Variants in TANC2 observed in about 807,000 individuals in gnomAD.
TANC2 encodes the protein tetratricopeptide repeat, ankyrin repeat and coiled-coil containing 2.
TANC2 carries 26 observed loss-of-function variants against 210.5 expected under a neutral mutation model. The ratio of observed to expected loss-of-function variants is 0.12; its 90% CI spans 0.09 to 0.17. The LOEUF (loss-of-function observed/expected upper bound fraction) is 0.17, where lower values mean the gene tolerates loss of function less well. TANC2 is among the 10% of genes least tolerant of loss of function. The pLI, the probability that TANC2 is intolerant of heterozygous loss-of-function variation, is 1.00. For synonymous variants in TANC2, 931 were observed against 967.1 expected (o/e 0.96, Z 0.69); for missense variants, 2,129 against 2,608.9 (o/e 0.82, Z 4.01).
At chr17:63,317,903 G>A (rs1456637007) in intron 10 of TANC2, among the ~76,000 whole-genome samples, 1 of 152,226 alleles carries the variant, frequency 6.6e-6, no homozygotes, top group African/African-American at 2.4e-5. Context: ...AAGGGGAATA[G>A]AGTAGGGGAA....
In TANC2 at chr17:63,006,681, G is replaced by T. The variant is rs184116512; in HGVS notation, c.-23-2856G>T. ...TATGGCCTAACATATGGTCCATTTT[G>T]GTATGTGTTTTGTGTTATAGTTTGT... On this transcript the variant is annotated intron_variant, in intron 1 of 27. Coordinates refer to ENST00000689528, the Ensembl canonical transcript of TANC2. Among the ~76,000 whole-genome samples, 616 of 152,068 alleles carry T rather than the reference G, an allele frequency of 4.1e-3. 5 individuals are homozygous for T. The highest frequency in any genetic ancestry group is 0.014 in the African/African-American group (597 of 41,502).
At chr17:63,153,630 C>T (rs537462849) in intron 5 of TANC2, 25 of 152,198 alleles carry the variant, frequency 1.6e-4, no homozygotes, top group Non-Finnish European at 1.6e-4. Flanking sequence ...GCTTTGAGAA[C>T]CAATTGGGTT....
intron 11 of TANC2, among the ~76,000 whole-genome samples, chr17:63,320,686 T>G (rs1201374373): frequency 1.3e-5 from 2 of 152,242 alleles, no homozygotes; most frequent in Non-Finnish European, 2.9e-5. Flanking sequence ...CTGATACTAT[T>G]CTTATTCCTA....
intron 2 of TANC2, among the ~76,000 whole-genome samples, chr17:63,033,366 G>T (rs2034849303): frequency 6.6e-6 from 1 of 152,124 alleles, no homozygotes; most frequent in Non-Finnish European, 1.5e-5. Context: ...CTATTCTGGG[G>T]CTTTCAGCCA....
At chr17:63,050,962 A>T (rs1183437556) in intron 2 of TANC2, among the ~76,000 whole-genome samples, 1 of 152,170 alleles carries the variant, frequency 6.6e-6, no homozygotes, top group Non-Finnish European at 1.5e-5. Flanking sequence ...ATGTTAGTGC[A>T]TTTATTTAGG....
chr17:63,280,845 T>C (rs1255993507), intron 9 of TANC2, among the ~76,000 whole-genome samples: 10 of 152,164 alleles, frequency 6.6e-5, no homozygotes, highest in Admixed American at 6.6e-4. Context: ...CTATACTGGC[T>C]GTACTGTAAG....
Position 63,420,481 on chromosome 17 carries a change from C to G in TANC2, c.4751C>G (p.Pro1584Arg), listed in dbSNP as rs1352706759. The change falls in exon 28 of 28, where the codon CCT becomes CGT. Residue 1584 changes from proline to arginine, a missense_variant. This residue lies in a region of TANC2 where 584 missense variants were observed against 627.3 expected (regional missense o/e 0.93). Coordinates refer to ENST00000689528, the Ensembl canonical transcript of TANC2. The surrounding 1 kb of genome is among the most constrained non-coding windows in gnomAD (Gnocchi z 4.2). ...ACTCATCAGAACTCACATTACAGGC[C>G]TAGCCCACCACACACTTCCCCGGCT... 4 of 1,613,836 alleles carry G rather than the reference C, an allele frequency of 2.5e-6. No individual in the cohort carries two copies. In the Admixed American group the frequency reaches 6.7e-5, roughly 27 times the overall value.
chr17:63,143,624 T>C (rs1288626860), intron 4 of TANC2, among the ~76,000 whole-genome samples: 2 of 152,214 alleles, frequency 1.3e-5, no homozygotes, highest in African/African-American at 4.8e-5. Context: ...TACCTGCAGG[T>C]AAATATGCTA....
chr17:63,406,993 T>TTAG (rs1432796704), intron 21 of TANC2, among the ~76,000 whole-genome samples: 1 of 152,206 alleles, frequency 6.6e-6, no homozygotes, highest in African/African-American at 2.4e-5. Context: ...GCCTCCACTA[T>TTAG]TAGTAAACTG....
chr17:63,360,655 T>A lies in TANC2; in HGVS notation c.2582+5265T>A, dbSNP rs185494774. 2.6e-5 allele frequency among the ~76,000 whole-genome samples: 4 copies of A among 152,336 alleles called. No homozygotes were observed. The East Asian group carries it at 7.7e-4, about 29-fold the overall frequency. On this transcript the variant is annotated intron_variant, in intron 14 of 27. Transcript: ENST00000689528. ...TTCACACAATCCAATTATACTCTTT[T>A]AGTTATTTTTAAATGTTTGATTAAA...
intron 4 of TANC2, among the ~76,000 whole-genome samples, chr17:63,134,535 T>C (rs376720822): frequency 2.6e-5 from 4 of 152,194 alleles, no homozygotes; most frequent in Admixed American, 2.6e-4. Context: ...TGTTCCAGGG[T>C]AACTTGGTCT....
intron 5 of TANC2, among the ~76,000 whole-genome samples, chr17:63,169,962 A>G (rs2040343948): frequency 6.9e-6 from 1 of 145,544 alleles, no homozygotes; most frequent in Non-Finnish European, 1.5e-5. Context: ...TATTAAAAAT[A>G]CAAAAAATTA....
intron 8 of TANC2, among the ~76,000 whole-genome samples, chr17:63,265,440 C>G (rs2043494816): frequency 6.6e-6 from 1 of 152,140 alleles, no homozygotes; most frequent in Admixed American, 6.5e-5. Context: ...GACCCATTTT[C>G]AGAGCTGCTG....
chr17:63,194,161 T>TTG, intron 6 of TANC2, 22 bp downstream of exon 6: 1 of 1,606,458 alleles, frequency 6.2e-7, no homozygotes, highest in Non-Finnish European at 8.5e-7. Context: ...GCTATCACCT[T>TTG]TGTGAAACAT....
chr17:63,149,627 C>T (rs1405584285), intron 4 of TANC2: 1 of 151,162 alleles, frequency 6.6e-6, no homozygotes, highest in African/African-American at 2.4e-5. Flanking sequence ...AATCATTTTT[C>T]CTATACTAAG....
intron 12 of TANC2, among the ~76,000 whole-genome samples, chr17:63,349,384 C>T (rs561094093): frequency 6.6e-6 from 1 of 152,280 alleles, no homozygotes; most frequent in Admixed American, 6.5e-5. Flanking sequence ...AAAATCCCAA[C>T]AGATGCATTA....
intron 4 of TANC2, among the ~76,000 whole-genome samples, chr17:63,123,541 A>G (rs981698321): frequency 7.4e-5 from 11 of 149,656 alleles, no homozygotes; most frequent in Non-Finnish European, 1.3e-4. Flanking sequence ...CCTGGGCGAC[A>G]AGGTGAGATT....
intron 2 of TANC2, among the ~76,000 whole-genome samples, chr17:63,040,711 G>A (rs1174105558): frequency 1.3e-5 from 2 of 152,086 alleles, no homozygotes; most frequent in Admixed American, 1.3e-4. Flanking sequence ...AAGTTATGCA[G>A]CATTTATCTA....
Position 63,203,070 on chromosome 17 carries a change from C to T in TANC2, c.769+2113C>T, listed in dbSNP as rs142619621. Among the ~76,000 whole-genome samples the T allele has an allele frequency of 9.2e-3, 1,394 of 152,082 alleles. 27 individuals carry two copies. The highest frequency in any genetic ancestry group is 0.031 in the African/African-American group (1,290 of 41,492). ...AGTTTATACCTAGGACTGGAATTACCGAGTCATGGGGCATATGATTATTTA... is the reference window on the plus strand; with the variant it reads ...AGTTTATACCTAGGACTGGAATTACTGAGTCATGGGGCATATGATTATTTA... On this transcript the variant is annotated intron_variant, in intron 7 of 27. Transcript: ENST00000689528.
Sources: allele counts gnomAD v4.1 joint callset (sites outside exome capture counted in the v4.1 genomes callset), GRCh38; gene constraint gnomAD v4.1.1; regional missense constraint gnomAD v4.1.1; non-coding constraint Gnocchi (gnomAD v3.1); transcripts MANE v1.5; gene names NCBI Gene and HGNC (gene_info 2026-07-23, HGNC 2026-07-21).